Variants in NEDD9 observed in about 807,000 individuals in gnomAD.
The protein encoded by NEDD9 is neural precursor cell expressed, developmentally down-regulated 9.
A neutral mutation model predicts 76.6 loss-of-function variants in NEDD9; 26 were observed. The observed-to-expected ratio is 0.34, with a 90% confidence interval of 0.25 to 0.47. NEDD9 has a LOEUF of 0.47. Among genes scored for constraint, NEDD9 ranks in the 20% least tolerant of loss-of-function variants. NEDD9 has a pLI of 1.00. For synonymous variants in NEDD9, 392 were observed against 414.2 expected, an observed-to-expected ratio of 0.95 and a Z score of 0.65; for missense variants, 937 against 1,058.5, an observed-to-expected ratio of 0.89 and a Z score of 1.59.
At chr6:11,264,424 C>T (rs187076069) in intron 3 of NEDD9, among the ~76,000 whole-genome samples, 2,005 of 152,192 alleles carry the variant, frequency 0.013, 19 homozygotes, top group Non-Finnish European at 0.019. Flanking sequence ...AAAGATTGAG[C>T]AAGAGAAGGG....
At chr6:11,310,083 GT>G (rs1327896598) in intron 2 of NEDD9, among the ~76,000 whole-genome samples, 2 of 152,158 alleles carry the variant, frequency 1.3e-5, no homozygotes, top group Non-Finnish European at 2.9e-5. Context: ...TGCTCTGAGC[GT>G]TGTGGCAGCA....
intron 1 of NEDD9, among the ~76,000 whole-genome samples, chr6:11,219,603 A>G (rs1190217800): frequency 6.6e-6 from 1 of 152,200 alleles, no homozygotes; most frequent in Non-Finnish European, 1.5e-5. Context: ...CATTCAAGGA[A>G]ATGGCCATCA....
intron 3 of NEDD9, among the ~76,000 whole-genome samples, chr6:11,298,176 G>A (rs772025183): frequency 1.3e-5 from 2 of 152,100 alleles, no homozygotes; most frequent in Non-Finnish European, 2.9e-5. Context: ...CCAAAGTGCT[G>A]GGATTACAGG....
At chr6:11,354,197 G>C (rs1762523850) in intron 1 of NEDD9, among the ~76,000 whole-genome samples, 2 of 152,192 alleles carry the variant, frequency 1.3e-5, no homozygotes, top group Admixed American at 1.3e-4. Flanking sequence ...AAAAGAAAGA[G>C]CTCTGGGGCT....
rs183358219 is a variant in NEDD9 at position 11,344,068 on chromosome 6, T to C, written c.-213-9507A>G. ...GACAGGGTGAGTAGGCTGCTATCTATCACCAAGCAATCTACTACATCCTGG... is the reference window on the plus strand; with the variant it reads ...GACAGGGTGAGTAGGCTGCTATCTACCACCAAGCAATCTACTACATCCTGG... On this transcript the variant is annotated intron_variant, in intron 1 of 3. Transcript: ENST00000397378. Among the ~76,000 whole-genome samples, 386 of 152,338 alleles carry C rather than the reference T, an allele frequency of 2.5e-3. 1 individual carries two copies. The highest frequency in any genetic ancestry group is 8.8e-3 in the African/African-American group (366 of 41,582).
At chr6:11,302,365 C>T (rs926747539) in intron 3 of NEDD9, among the ~76,000 whole-genome samples, 1 of 152,128 alleles carries the variant, frequency 6.6e-6, no homozygotes, top group Non-Finnish European at 1.5e-5. Flanking sequence ...GAAATTGAGG[C>T]AATAATTAAT....
chr6:11,374,245 A>G (rs996746558), intron 1 of NEDD9, among the ~76,000 whole-genome samples: 1 of 152,208 alleles, frequency 6.6e-6, no homozygotes, highest in Non-Finnish European at 1.5e-5. Context: ...CCAGTGATAC[A>G]ACCCCTGAAG....
chr6:11,319,704 G>GGA (rs200716332), intron 2 of NEDD9, among the ~76,000 whole-genome samples: 2 of 118,484 alleles, frequency 1.7e-5, no homozygotes, highest in South Asian at 5.1e-4. Flanking sequence ...ACACAAACAT[G>GGA]CACACACAAA....
At chr6:11,202,617 T>C (rs935902064) in intron 2 of NEDD9, among the ~76,000 whole-genome samples, 3 of 152,244 alleles carry the variant, frequency 2.0e-5, no homozygotes, top group Non-Finnish European at 2.9e-5. Flanking sequence ...ATTAATTCTC[T>C]GTAAATTCAT....
chr6:11,185,022 T>C lies in NEDD9; in HGVS notation c.*140A>G. On this transcript the variant is annotated 3_prime_UTR_variant, in exon 7 of 7. Transcript: ENST00000379446. ...TCCAGCTCCCTGAATTTCTGAAAGTTGACTGACCCATAAAATGTTAAAATA... is the reference window on the plus strand; with the variant it reads ...TCCAGCTCCCTGAATTTCTGAAAGTCGACTGACCCATAAAATGTTAAAATA... 1 of 1,107,154 alleles carries C rather than the reference T, an allele frequency of 9.0e-7. No individual in the cohort carries two copies. Among genetic ancestry groups the C allele is most frequent in the African/African-American group, 1.6e-5 (1 of 63,570 alleles). The allele number at this position is 1,107,154 out of a possible 1,614,324, so 68.6% of individuals were successfully genotyped here. A position where few individuals can be genotyped will look rare whatever the true frequency, so the allele number is the denominator to read the frequency against.
chr6:11,240,650 TTTTTC>T (rs1272027990), intron 3 of NEDD9, among the ~76,000 whole-genome samples: 1 of 152,210 alleles, frequency 6.6e-6, no homozygotes, highest in Non-Finnish European at 1.5e-5. Flanking sequence ...TTACTACCTT[TTTTTC>T]TTCAAAGAAT....
rs747756845 is a variant in NEDD9, at chr6:11,191,194, A to G, written c.675T>C (p.Ile225=). The change falls in exon 5 of 7, where the codon ATT becomes ATC. Residue 225 remains isoleucine, a synonymous_variant. Transcript: ENST00000379446. ...CTTCATCCCGGCAAGCAGAGGGCGG[A>G]ATGGCATATACCTGCAAAGCAAGTA... ...DIPPTKGVYA[I]PPSACRDEAG... 6.2e-7 allele frequency: 1 copy of G among 1,601,494 alleles called. No individual in the cohort carries two copies. The highest frequency in any genetic ancestry group is 1.7e-5 in the Admixed American group (1 of 58,394).
intron 2 of NEDD9, among the ~76,000 whole-genome samples, chr6:11,310,688 G>C (rs750743851): frequency 6.6e-6 from 1 of 152,176 alleles, no homozygotes; most frequent in African/African-American, 2.4e-5. Flanking sequence ...ACAGCAGGCT[G>C]TTGCAGTTTA....
chr6:11,287,087 T>G (rs1178271435), intron 3 of NEDD9, among the ~76,000 whole-genome samples: 1 of 152,232 alleles, frequency 6.6e-6, no homozygotes, highest in Non-Finnish European at 1.5e-5. Context: ...ATTTTCAGTA[T>G]GTGTAGTTTA....
intron 3 of NEDD9, among the ~76,000 whole-genome samples, chr6:11,285,557 C>T (rs1760630630): frequency 6.6e-6 from 1 of 152,024 alleles, no homozygotes; most frequent in South Asian, 2.1e-4. Context: ...AAACAAAAAT[C>T]CTCAAAAACA....
intron 1 of NEDD9, among the ~76,000 whole-genome samples, chr6:11,350,839 GC>G (rs1762454443): frequency 6.6e-6 from 1 of 152,114 alleles, no homozygotes; most frequent in Non-Finnish European, 1.5e-5. Context: ...ACACTCGGGG[GC>G]TCATGTCAGG....
chr6:11,192,266 CACCCT>C, intron 4 of NEDD9, 74 bp downstream of exon 4: 4 of 330,024 alleles, frequency 1.2e-5, no homozygotes, highest in Non-Finnish European at 2.2e-5. Flanking sequence ...ACTACTTACC[CACCCT>C]CCCAACCCTG....
intron 1 of NEDD9, among the ~76,000 whole-genome samples, chr6:11,219,794 C>T (rs760617403): frequency 5.3e-5 from 8 of 152,214 alleles, no homozygotes; most frequent in Non-Finnish European, 7.3e-5. Flanking sequence ...CCCACCATCA[C>T]CTTTGGGATA....
chr6:11,278,428 G>C (rs919402642), intron 3 of NEDD9, among the ~76,000 whole-genome samples: 4 of 152,172 alleles, frequency 2.6e-5, no homozygotes, highest in African/African-American at 9.7e-5. Flanking sequence ...CCACAGAGTT[G>C]AGGTTTGAAC....
Sources: allele counts gnomAD v4.1 joint callset (sites outside exome capture counted in the v4.1 genomes callset), GRCh38; gene constraint gnomAD v4.1.1; transcripts MANE v1.5; gene names NCBI Gene and HGNC (gene_info 2026-07-23, HGNC 2026-07-21).